Variants in KIAA1217 observed in about 807,000 individuals in gnomAD.
KIAA1217 encodes the protein KIAA1217, also known as sickle tail protein homolog.
In KIAA1217, 88 loss-of-function variants were observed where a neutral mutation model predicts 163.9. The observed-to-expected ratio is 0.54, with a 90% CI of 0.45 to 0.64. The LOEUF (loss-of-function observed/expected upper bound fraction) is 0.64, where lower values mean the gene tolerates loss of function less well. Ranked by LOEUF, KIAA1217 falls within the 30% of genes least tolerant of loss-of-function variation. The probability of loss-of-function intolerance (pLI) is 0.00; values close to 1 mark genes in which losing one functional copy is unlikely to be tolerated. For synonymous variants in KIAA1217, 903 were observed against 923.1 expected, an observed-to-expected ratio of 0.98 and a Z score of 0.39; for missense variants, 2,372 against 2,475.0, an observed-to-expected ratio of 0.96 and a Z score of 0.88.
intron 2 of KIAA1217, among the ~76,000 whole-genome samples, chr10:24,238,484 G>A (rs767506406): frequency 3.4e-4 from 51 of 152,124 alleles, no homozygotes; most frequent in Non-Finnish European, 4.9e-4. Context: ...AGATTTCAGC[G>A]TAATTCTGGT....
intron 2 of KIAA1217, among the ~76,000 whole-genome samples, chr10:24,092,032 C>A (rs1361384474): frequency 6.6e-6 from 1 of 151,794 alleles, no homozygotes; most frequent in Non-Finnish European, 1.5e-5. Flanking sequence ...TCCCTCCCAT[C>A]CTACCAGAAA....
chr10:23,766,207 G>C (rs538922290), intron 1 of KIAA1217, among the ~76,000 whole-genome samples: 1 of 152,236 alleles, frequency 6.6e-6, no homozygotes, highest in Non-Finnish European at 1.5e-5. Flanking sequence ...TCTAAGTCAA[G>C]TGTGATTTTG....
chr10:24,352,446 T>A (rs1320441088), intron 2 of KIAA1217, among the ~76,000 whole-genome samples: 3 of 152,224 alleles, frequency 2.0e-5, no homozygotes, highest in Admixed American at 2.0e-4. Context: ...GGCTTGCTGA[T>A]CTGCCTATTA....
At chr10:24,146,615 C>T (rs1446292065) in intron 2 of KIAA1217, among the ~76,000 whole-genome samples, 1 of 151,866 alleles carries the variant, frequency 6.6e-6, no homozygotes, top group Non-Finnish European at 1.5e-5. Flanking sequence ...CCCAGAAGGT[C>T]AAGGCTGCAG....
intron 1 of KIAA1217, among the ~76,000 whole-genome samples, chr10:23,772,601 A>G (rs2130883564): frequency 6.6e-6 from 1 of 152,250 alleles, no homozygotes; most frequent in East Asian, 1.9e-4. Flanking sequence ...CAGAAATGTG[A>G]TACTCTGGGT....
At chr10:24,026,742 A>ATTTTTTTTTTTTTTTTTTCTTTT (rs1847956946) in intron 2 of KIAA1217, among the ~76,000 whole-genome samples, 1 of 70,094 alleles carries the variant, frequency 1.4e-5, no homozygotes, top group African/African-American at 5.9e-5. Flanking sequence ...TATTTCATTG[A>ATTTTTTTTTTTTTTTTTTCTTTT]TTTTTTTTTT....
intron 2 of KIAA1217, among the ~76,000 whole-genome samples, chr10:24,335,419 AG>A (rs1373873718): frequency 6.6e-6 from 1 of 150,690 alleles, no homozygotes; most frequent in Non-Finnish European, 1.5e-5. Flanking sequence ...TAGCCTCCCT[AG>A]TAGCCGAGAT....
At chr10:24,503,981 A>C (rs2068014469) in intron 9 of KIAA1217, among the ~76,000 whole-genome samples, 1 of 152,216 alleles carries the variant, frequency 6.6e-6, no homozygotes, top group Non-Finnish European at 1.5e-5. Context: ...TAAATGCCGC[A>C]CTTCCCCTGG....
intron 2 of KIAA1217, among the ~76,000 whole-genome samples, chr10:24,365,126 AGAT>A (rs981141138): frequency 3.9e-5 from 6 of 152,102 alleles, no homozygotes; most frequent in Non-Finnish European, 7.4e-5. Context: ...CTTGACTTTC[AGAT>A]GATATTTGTC....
Position 24,411,897 on chromosome 10 carries a change from C to T in KIAA1217, c.554-21098C>T, listed in dbSNP as rs566006704. On this transcript the variant is annotated intron_variant, in intron 3 of 20. Coordinates refer to ENST00000376454, the MANE Select transcript of KIAA1217 (RefSeq NM_019590.5). ...AGACTAGATACGATCAGTAGGAAAT[C>T]GCTAATGGGAATTGATGCTTTTGAT... 1.4e-3 allele frequency among the ~76,000 whole-genome samples: 209 copies of T among 151,962 alleles called. 3 individuals carry two copies. Among genetic ancestry groups the T allele is most frequent in the Non-Finnish European group, 4.1e-4 (28 of 67,970 alleles).
chr10:24,064,094 G>C (rs1312091953), intron 2 of KIAA1217, among the ~76,000 whole-genome samples: 1 of 152,134 alleles, frequency 6.6e-6, no homozygotes, highest in South Asian at 2.1e-4. Context: ...CAAACAGGGA[G>C]AATTTGACTT....
chr10:23,961,647 T>G (rs1844824970), intron 1 of KIAA1217, among the ~76,000 whole-genome samples: 1 of 152,202 alleles, frequency 6.6e-6, no homozygotes, highest in South Asian at 2.1e-4. Flanking sequence ...CAATTAAGCT[T>G]AGGAAAACTG....
intron 1 of KIAA1217, among the ~76,000 whole-genome samples, chr10:23,705,115 A>G (rs900584152): frequency 7.2e-5 from 11 of 152,140 alleles, no homozygotes; most frequent in African/African-American, 9.6e-5. Context: ...GTCTATTCAA[A>G]TTCATTGTCA....
rs552506796 is a variant in KIAA1217 at position 24,142,375 on chromosome 10, G to C, written c.-170-77251G>C. 3.3e-5 allele frequency among the ~76,000 whole-genome samples: 5 copies of C among 152,064 alleles called. No individual in the cohort carries two copies. In the East Asian group the frequency reaches 9.7e-4, roughly 29 times the overall value. The stretch of plus-strand genomic sequence containing the variant: ...AAATTACATGATTCATTGTTCTTAA[G>C]CATTATCTTCCTATAGGTAAGATAG... On this transcript the variant is annotated intron_variant, in intron 2 of 18. Transcript: ENST00000376462.
chr10:24,229,924 A>G (rs918400984), intron 2 of KIAA1217, among the ~76,000 whole-genome samples: 1 of 152,134 alleles, frequency 6.6e-6, no homozygotes, highest in Non-Finnish European at 1.5e-5. Flanking sequence ...AAATCTCACA[A>G]ATCACCGGTG....
intron 1 of KIAA1217, among the ~76,000 whole-genome samples, chr10:23,764,679 C>G (rs1834425563): frequency 6.6e-6 from 1 of 152,040 alleles, no homozygotes; most frequent in Non-Finnish European, 1.5e-5. Flanking sequence ...TCATCCTCAG[C>G]AAACTAAAAC....
At chr10:23,810,954 AAT>A (rs1295600592) in intron 1 of KIAA1217, among the ~76,000 whole-genome samples, 67 of 117,776 alleles carry the variant, frequency 5.7e-4, no homozygotes, top group African/African-American at 1.6e-3. Flanking sequence ...TATATTATAT[AAT>A]ATATATAGTA....
chr10:24,428,174 C>T (rs564981122), intron 3 of KIAA1217, among the ~76,000 whole-genome samples: 13 of 152,184 alleles, frequency 8.5e-5, no homozygotes, highest in African/African-American at 1.2e-4. Flanking sequence ...ACTGTAGGGA[C>T]GCCATTGGTG....
intron 2 of KIAA1217, among the ~76,000 whole-genome samples, chr10:24,013,125 T>C (rs1170025152): frequency 6.6e-6 from 1 of 152,164 alleles, no homozygotes; most frequent in African/African-American, 2.4e-5. Context: ...TTTTGCATTT[T>C]TATGCCTTTT....
Sources: gnomAD v4.1 joint callset for allele counts (sites outside exome capture counted in the v4.1 genomes callset) on GRCh38, gnomAD v4.1.1 for gene constraint, MANE v1.5 for transcripts, NCBI Gene and HGNC (gene_info 2026-07-23, HGNC 2026-07-21) for gene names.